Variants in ROR2 observed in about 807,000 individuals in gnomAD.
ROR2 encodes tyrosine-protein kinase transmembrane receptor ROR2.
A neutral mutation model predicts 74.9 loss-of-function variants in ROR2; 33 were observed. The observed-to-expected ratio is 0.44, with a 90% confidence interval of 0.33 to 0.59. The LOEUF is 0.59. ROR2 is among the 20% of genes least tolerant of loss of function. ROR2 has a pLI of 0.02. For missense variants in ROR2, 1,216 were observed against 1,313.8 expected (o/e 0.93, Z 1.15); for synonymous variants, 586 against 558.7 (o/e 1.05, Z -0.69).
intron 4 of ROR2, among the ~76,000 whole-genome samples, chr9:91,743,088 GAAA>G (rs1283869517): frequency 1.3e-5 from 2 of 152,126 alleles, no homozygotes; most frequent in Non-Finnish European, 2.9e-5. Context: ...CCTACAAGGA[GAAA>G]ATCACTAATG....
At chr9:91,786,418 CAG>C (rs1172127905) in intron 1 of ROR2, among the ~76,000 whole-genome samples, 4 of 152,014 alleles carry the variant, frequency 2.6e-5, no homozygotes, top group Non-Finnish European at 4.4e-5. Context: ...TCCAGAGTGG[CAG>C]AGTGATATCT....
chr9:91,891,297 C>T (rs923377196), intron 1 of ROR2, among the ~76,000 whole-genome samples: 5 of 148,108 alleles, frequency 3.4e-5, no homozygotes, highest in African/African-American at 1.3e-4. Flanking sequence ...TCTCACTTGT[C>T]ACCCAGGCTG....
intron 1 of ROR2, among the ~76,000 whole-genome samples, chr9:91,928,365 G>A (rs1258468016): frequency 6.6e-6 from 1 of 152,162 alleles, no homozygotes; most frequent in African/African-American, 2.4e-5. Flanking sequence ...CCTTCTCTTA[G>A]GAAATGTAAA....
intron 1 of ROR2, among the ~76,000 whole-genome samples, chr9:91,909,926 A>G (rs999732637): frequency 3.9e-5 from 5 of 128,144 alleles, no homozygotes; most frequent in African/African-American, 1.5e-4. Context: ...GCAGTGGCGC[A>G]ATCCAGCTCA....
At chr9:91,746,010 G>A (rs771235099) in intron 4 of ROR2, among the ~76,000 whole-genome samples, 27 of 152,148 alleles carry the variant, frequency 1.8e-4, no homozygotes, top group Admixed American at 9.2e-4. Context: ...AATATCAAAT[G>A]CCAAATGTCA....
At chr9:91,908,771 A>G (rs1433767976) in intron 1 of ROR2, among the ~76,000 whole-genome samples, 1 of 152,240 alleles carries the variant, frequency 6.6e-6, no homozygotes, top group African/African-American at 2.4e-5. Flanking sequence ...CAGTAGAGCC[A>G]AAGGAAACAG....
intron 1 of ROR2, among the ~76,000 whole-genome samples, chr9:91,896,730 CT>C (rs957226445): frequency 2.0e-5 from 3 of 151,600 alleles, no homozygotes; most frequent in East Asian, 1.9e-4. Context: ...TCTAAGGGCA[CT>C]TTTTTTTTCA....
intron 1 of ROR2, among the ~76,000 whole-genome samples, chr9:91,942,321 T>C (rs1229801862): frequency 1.3e-5 from 2 of 152,306 alleles, no homozygotes; most frequent in African/African-American, 4.8e-5. Flanking sequence ...CACCCAGGTA[T>C]TGGGATGCAA....
In ROR2 at chr9:91,878,926, C is replaced by T. The variant is rs538651355; in HGVS notation, c.97+70941G>A. On this transcript the variant is annotated intron_variant, in intron 1 of 8. Coordinates refer to ENST00000375708, the MANE Select transcript of ROR2 (RefSeq NM_004560.4). Reference sequence around the variant, plus strand: ...CCATGGTGGCAGGCGCCTGTAGTCCCGGCTACTCAGGAGGCTGAGGCAGGA... The same window carrying T: ...CCATGGTGGCAGGCGCCTGTAGTCCTGGCTACTCAGGAGGCTGAGGCAGGA... Among the ~76,000 whole-genome samples the T allele has an allele frequency of 1.8e-3, 273 of 152,188 alleles. 2 individuals carry two copies. Among genetic ancestry groups the T allele is most frequent in the African/African-American group, 6.2e-3 (256 of 41,528 alleles).
chr9:91,886,095 G>A (rs936872468), intron 1 of ROR2, among the ~76,000 whole-genome samples: 4 of 151,768 alleles, frequency 2.6e-5, no homozygotes, highest in Non-Finnish European at 5.9e-5. Context: ...GGCTCGTCTC[G>A]AACTCCTGAC....
rs775823582 is a variant in ROR2 at position 91,927,562 on chromosome 9, C to CTTTTTTTTTTTTTTTTTT, written c.97+22287_97+22304dup. ...TGGCTGGCTCTGTGTTTTCTAGATT[C>CTTTTTTTTTTTTTTTTTT]TTTTTTTTTTTTTTTTTTTTTGAGA... On this transcript the variant is annotated intron_variant, in intron 1 of 8. Transcript: ENST00000375708. 7.8e-4 allele frequency among the ~76,000 whole-genome samples: 74 copies of CTTTTTTTTTTTTTTTTTT among 94,942 alleles called. 9 individuals are homozygous for CTTTTTTTTTTTTTTTTTT. Among genetic ancestry groups the CTTTTTTTTTTTTTTTTTT allele is most frequent in the Non-Finnish European group, 1.0e-3 (53 of 50,498 alleles). 62.3% of individuals were successfully genotyped at this position (94,942 alleles called of 152,430 possible).
At chr9:91,906,619 CGTT>C (rs1037065069) in intron 1 of ROR2, among the ~76,000 whole-genome samples, 1 of 152,152 alleles carries the variant, frequency 6.6e-6, no homozygotes, top group Non-Finnish European at 1.5e-5. Flanking sequence ...TTTGTTCTTT[CGTT>C]GTTGTTATTT....
chr9:91,948,466 G>T, intron 1 of ROR2: 4 of 577,262 alleles, frequency 6.9e-6, no homozygotes, highest in Non-Finnish European at 8.8e-6. Flanking sequence ...CACTCTGAGC[G>T]GTTTATGCTT....
intron 1 of ROR2, among the ~76,000 whole-genome samples, chr9:91,897,430 G>A (rs773231810): frequency 6.6e-6 from 1 of 152,340 alleles, no homozygotes; most frequent in South Asian, 2.1e-4. Context: ...GTTAGTAAAC[G>A]TTATAATAAT....
At chr9:91,941,344 G>A (rs1334322946) in intron 1 of ROR2, among the ~76,000 whole-genome samples, 4 of 152,292 alleles carry the variant, frequency 2.6e-5, no homozygotes, top group African/African-American at 9.6e-5. Context: ...GAAGTTACAA[G>A]AATGGTGCAT....
rs80314567 is a variant in ROR2 at position 91,811,862 on chromosome 9, G to A, written c.98-36044C>T. On this transcript the variant is annotated intron_variant, in intron 1 of 8. Coordinates refer to ENST00000375708, the MANE Select transcript of ROR2 (RefSeq NM_004560.4). ...TCTATTCCTGGTTAAAACAGATCCC[G>A]GCACACTTTAAAATGGGGCCTTGCT... is the stretch of plus-strand genomic sequence containing the variant. Among the ~76,000 whole-genome samples the A allele has an allele frequency of 2.0e-4, 30 of 152,220 alleles. No homozygotes were observed. The East Asian group carries it at 5.0e-3, about 25-fold the overall frequency.
intron 1 of ROR2, among the ~76,000 whole-genome samples, chr9:91,780,229 T>G (rs1278045844): frequency 6.6e-6 from 1 of 151,980 alleles, no homozygotes; most frequent in Non-Finnish European, 1.5e-5. Flanking sequence ...TACAAAAAAT[T>G]AGCCGGGCAT....
rs550778470 is a variant in ROR2 at position 91,875,983 on chromosome 9, T to A, written c.97+73884A>T. ...GAAACCCAAATGGCCAACTGCTATC[T>A]CAACTGAGCTCGGAGCAGACCTGGC... On this transcript the variant is annotated intron_variant, in intron 1 of 8. Transcript: ENST00000375708. Among the ~76,000 whole-genome samples, 5 of 151,724 alleles carry A rather than the reference T, an allele frequency of 3.3e-5. No homozygotes were observed. The East Asian group carries it at 9.7e-4, about 30-fold the overall frequency.
intron 1 of ROR2, among the ~76,000 whole-genome samples, chr9:91,870,527 G>A (rs1829765995): frequency 6.6e-6 from 1 of 152,150 alleles, no homozygotes; most frequent in African/African-American, 2.4e-5. Context: ...TATTTTCAGG[G>A]CTCTATCTAT....
Sources: gnomAD v4.1 joint callset for allele counts (sites outside exome capture counted in the v4.1 genomes callset) on GRCh38, gnomAD v4.1.1 for gene constraint, MANE v1.5 for transcripts, NCBI Gene and HGNC (gene_info 2026-07-23, HGNC 2026-07-21) for gene names.